The following CLEC16A variants were observed in gnomAD, a reference collection of about 807,000 sequenced individuals.
CLEC16A encodes C-type lectin domain containing 16A, also known as protein CLEC16A.
Under a neutral mutation model 109.5 loss-of-function variants are expected in CLEC16A, and 51 were observed. The ratio of observed to expected loss-of-function variants is 0.47; its 90% CI spans 0.37 to 0.59. CLEC16A has a LOEUF of 0.59. Among genes scored for constraint, CLEC16A ranks in the 20% least tolerant of loss-of-function variants. CLEC16A has a pLI of 0.00. For missense variants in CLEC16A, 1,339 were observed against 1,394.0 expected (o/e 0.96, Z 0.63); for synonymous variants, 673 against 564.2 (o/e 1.19, Z -2.73).
intron 10 of CLEC16A, among the ~76,000 whole-genome samples, chr16:10,999,280 C>T (rs530068280): frequency 6.6e-6 from 1 of 152,124 alleles, no homozygotes; most frequent in Admixed American, 6.6e-5. Context: ...TTAGAAATCT[C>T]AAACCAAAAG....
intron 20 of CLEC16A, among the ~76,000 whole-genome samples, chr16:11,122,528 A>C (rs1005784701): frequency 6.6e-6 from 1 of 152,138 alleles, no homozygotes; most frequent in Non-Finnish European, 1.5e-5. Context: ...GGTCTTTACT[A>C]TACCAGACTC....
intron 19 of CLEC16A, among the ~76,000 whole-genome samples, chr16:11,074,343 G>A (rs2049233943): frequency 6.6e-6 from 1 of 152,158 alleles, no homozygotes; most frequent in African/African-American, 2.4e-5. Context: ...AATGTTGCTG[G>A]CCACTTTTCA....
intron 19 of CLEC16A, among the ~76,000 whole-genome samples, chr16:11,107,921 C>G (rs2051322879): frequency 6.6e-6 from 1 of 152,222 alleles, no homozygotes; most frequent in Non-Finnish European, 1.5e-5. Flanking sequence ...CTTCCTCTCC[C>G]CTCCACCCCG....
At chr16:11,175,489 GA>G (rs1308402223) in intron 23 of CLEC16A, among the ~76,000 whole-genome samples, 1 of 152,084 alleles carries the variant, frequency 6.6e-6, no homozygotes, top group Non-Finnish European at 1.5e-5. Context: ...CACTTGACTA[GA>G]AAAAAGTGTC....
intron 22 of CLEC16A, among the ~76,000 whole-genome samples, chr16:11,133,527 A>G (rs2053370471): frequency 6.6e-6 from 1 of 152,058 alleles, no homozygotes; most frequent in Non-Finnish European, 1.5e-5. Context: ...GTAACTTAGG[A>G]AGAATGCAGA....
At chr16:11,010,514 A>G (rs145269104) in intron 11 of CLEC16A, among the ~76,000 whole-genome samples, 150 of 152,286 alleles carry the variant, frequency 9.8e-4, no homozygotes, top group African/African-American at 3.4e-3. Context: ...CCCCTGTAAC[A>G]TTTCATACCA....
intron 10 of CLEC16A, among the ~76,000 whole-genome samples, chr16:10,988,595 C>T (rs1435992302): frequency 6.6e-6 from 1 of 152,162 alleles, no homozygotes; most frequent in Non-Finnish European, 1.5e-5. Flanking sequence ...CCTAGCCTGC[C>T]CCTTGAATGC....
At chr16:11,152,963 G>A (rs938140236) in intron 22 of CLEC16A, among the ~76,000 whole-genome samples, 1 of 152,148 alleles carries the variant, frequency 6.6e-6, no homozygotes, top group African/African-American at 2.4e-5. Context: ...TCTCCAGCGA[G>A]GGTATGAAGA....
intron 19 of CLEC16A, among the ~76,000 whole-genome samples, chr16:11,086,598 A>C (rs560270125): frequency 1.4e-4 from 21 of 152,170 alleles, no homozygotes; most frequent in Admixed American, 7.9e-4. Context: ...GCTGGAGTGC[A>C]GTGTCGCTAT....
Position 10,997,193 on chromosome 16 carries a change from C to T in CLEC16A, c.1072-5881C>T, listed in dbSNP as rs528766660. 2.6e-5 allele frequency among the ~76,000 whole-genome samples: 4 copies of T among 152,320 alleles called. No individual in the cohort carries two copies. The East Asian group carries it at 5.8e-4, about 22-fold the overall frequency. On this transcript the variant is annotated intron_variant, in intron 10 of 23. Coordinates refer to ENST00000409790, the MANE Select transcript of CLEC16A (RefSeq NM_015226.3). ...CCTGTGCTCATCTTGAACTTCTGGG[C>T]TCAAGTGATCCTCCTGCCTTAGCCT...
At chr16:11,099,955 T>TA (rs2152982472) in intron 19 of CLEC16A, among the ~76,000 whole-genome samples, 1 of 152,168 alleles carries the variant, frequency 6.6e-6, no homozygotes, top group South Asian at 2.1e-4. Context: ...CTTACCTATC[T>TA]AGCCAGAGTT....
intron 23 of CLEC16A, among the ~76,000 whole-genome samples, chr16:11,176,814 G>A (rs937329949): frequency 2.0e-5 from 3 of 152,130 alleles, no homozygotes; most frequent in African/African-American, 4.8e-5. Context: ...GAGAAATGCC[G>A]GTGTGTGCTT....
At chr16:11,068,815 A>T (rs1369214638) in intron 19 of CLEC16A, among the ~76,000 whole-genome samples, 3 of 152,066 alleles carry the variant, frequency 2.0e-5, no homozygotes, top group Non-Finnish European at 4.4e-5. Flanking sequence ...TTTAATTTTT[A>T]AAATTTATTT....
At chr16:11,046,939 C>T (rs1381745699) in intron 16 of CLEC16A, among the ~76,000 whole-genome samples, 1 of 152,224 alleles carries the variant, frequency 6.6e-6, no homozygotes, top group Non-Finnish European at 1.5e-5. Context: ...GTCCATTTCT[C>T]CAGCCGTTCT....
intron 14 of CLEC16A, 49 bp from the exon 15 acceptor site, chr16:11,042,205 A>G: frequency 6.9e-7 from 1 of 1,443,646 alleles, no homozygotes; most frequent in South Asian, 1.2e-5. Context: ...CTTGGGTTTA[A>G]GGGCGCCCCA....
At chr16:11,135,343 C>G (rs900975447) in intron 22 of CLEC16A, among the ~76,000 whole-genome samples, 1 of 152,170 alleles carries the variant, frequency 6.6e-6, no homozygotes, top group Non-Finnish European at 1.5e-5. Context: ...GAGAAGGAAC[C>G]GCGTTCCCGG....
intron 22 of CLEC16A, among the ~76,000 whole-genome samples, chr16:11,145,274 G>T (rs191267301): frequency 6.6e-6 from 1 of 152,310 alleles, no homozygotes; most frequent in Admixed American, 6.5e-5. Flanking sequence ...GATGGGGCCG[G>T]CCTTAGGGCG....
intron 13 of CLEC16A, among the ~76,000 whole-genome samples, chr16:11,035,203 A>G (rs1377189424): frequency 6.6e-6 from 1 of 152,194 alleles, no homozygotes; most frequent in East Asian, 1.9e-4. Context: ...TAAAATAACC[A>G]ACTGCTGACA....
At chr16:10,978,290 GC>G (rs1419741638) in intron 8 of CLEC16A, among the ~76,000 whole-genome samples, 1 of 152,230 alleles carries the variant, frequency 6.6e-6, no homozygotes, top group African/African-American at 2.4e-5. Context: ...TGTGAGGAAT[GC>G]TGCTTCTGGA....
Sources: gnomAD v4.1 joint callset for allele counts (sites outside exome capture counted in the v4.1 genomes callset) on GRCh38, gnomAD v4.1.1 for gene constraint, MANE v1.5 for transcripts, NCBI Gene and HGNC (gene_info 2026-07-23, HGNC 2026-07-21) for gene names.